The following PCDH7 variants were observed in gnomAD, a reference collection of about 807,000 sequenced individuals.
PCDH7 encodes the protein protocadherin 7.
PCDH7 carries 17 observed loss-of-function variants against 58.9 expected under a neutral mutation model. The ratio of observed to expected loss-of-function variants is 0.29; its 90% confidence interval spans 0.20 to 0.43. The LOEUF is 0.43. PCDH7 is among the 20% of genes least tolerant of loss of function. The probability of loss-of-function intolerance (pLI) is 1.00; values close to 1 mark genes in which losing one functional copy is unlikely to be tolerated. For missense variants in PCDH7, 1,274 were observed against 1,441.0 expected, an observed-to-expected ratio of 0.88 and a Z score of 1.88; for synonymous variants, 664 against 616.4, an observed-to-expected ratio of 1.08 and a Z score of -1.14.
chr4:30,720,596 G>C lies in PCDH7; in HGVS notation c.-827G>C, dbSNP rs546541413. 1 of 152,748 alleles carries C rather than the reference G, an allele frequency of 6.5e-6. No individual in the cohort carries two copies. Among genetic ancestry groups the C allele is most frequent in the African/African-American group, 2.4e-5 (1 of 41,586 alleles). 9.5% of individuals were successfully genotyped at this position (152,748 alleles called of 1,614,324 possible). ...AAAAAAGAGAAACCCGCGCTCTCCG[G>C]GGTGAGAAGGGACTGACTCTGGGCG... On this transcript the variant is annotated 5_prime_UTR_variant, in exon 1 of 2. Transcript: ENST00000361762. The surrounding 1 kb of genome is among the most constrained non-coding windows in gnomAD (Gnocchi z 4.7).
intron 1 of PCDH7, among the ~76,000 whole-genome samples, chr4:30,761,249 C>T (rs1294248653): frequency 6.6e-6 from 1 of 152,170 alleles, no homozygotes. Flanking sequence ...TTAGGAAGCG[C>T]AGCTCTCCTC....
At chr4:31,036,979 T>C (rs77425021) in intron 3 of PCDH7, among the ~76,000 whole-genome samples, 2,256 of 152,156 alleles carry the variant, frequency 0.015, 30 homozygotes, top group Non-Finnish European at 0.021. Context: ...ACAAGAATAG[T>C]GTGGGAAAGA....
At chr4:30,894,508 TATATATATACACACAC>T (rs1206604464) in intron 1 of PCDH7, among the ~76,000 whole-genome samples, 23 of 49,120 alleles carry the variant, frequency 4.7e-4, no homozygotes, top group African/African-American at 2.4e-3. Context: ...TATATATATA[TATATATATACACACAC>T]ACACACACAC....
chr4:31,081,529 A>G (rs1407605149), intron 3 of PCDH7, among the ~76,000 whole-genome samples: 1 of 152,180 alleles, frequency 6.6e-6, no homozygotes, highest in African/African-American at 2.4e-5. Context: ...AAAAGTCCCA[A>G]TGAGATGCCT....
At chr4:30,813,497 C>T (rs994131709) in intron 1 of PCDH7, among the ~76,000 whole-genome samples, 7 of 152,112 alleles carry the variant, frequency 4.6e-5, no homozygotes, top group African/African-American at 1.7e-4. Context: ...AAGAAATGTA[C>T]ACTCTGGTAG....
intron 3 of PCDH7, among the ~76,000 whole-genome samples, chr4:31,034,555 T>G (rs960367648): frequency 5.9e-5 from 9 of 152,202 alleles, no homozygotes; most frequent in African/African-American, 2.2e-4. Context: ...TTTACAAAAT[T>G]TCAGATAAAC....
chr4:30,896,733 G>C (rs943780384), intron 1 of PCDH7, among the ~76,000 whole-genome samples: 1 of 151,374 alleles, frequency 6.6e-6, no homozygotes, highest in Non-Finnish European at 1.5e-5. Flanking sequence ...ACTAATAATT[G>C]TGTCATTATA....
chr4:30,966,302 C>A (rs1578436521), intron 3 of PCDH7, among the ~76,000 whole-genome samples: 1 of 152,256 alleles, frequency 6.6e-6, no homozygotes, highest in Non-Finnish European at 1.5e-5. Context: ...GCTTAAATGT[C>A]TCAACTGGAT....
chr4:30,831,360 A>G (rs1160093697), intron 1 of PCDH7, among the ~76,000 whole-genome samples: 2 of 152,182 alleles, frequency 1.3e-5, no homozygotes, highest in Non-Finnish European at 2.9e-5. Flanking sequence ...ATTGGGTTCA[A>G]TTCATAGTCT....
At chr4:30,986,853 C>T (rs574033036) in intron 3 of PCDH7, among the ~76,000 whole-genome samples, 1 of 151,684 alleles carries the variant, frequency 6.6e-6, no homozygotes, top group Admixed American at 6.6e-5. Flanking sequence ...TGGTGGTGGG[C>T]GCCTGTAGTC....
intron 1 of PCDH7, among the ~76,000 whole-genome samples, chr4:30,807,643 G>A (rs1014992322): frequency 1.1e-4 from 17 of 152,032 alleles, no homozygotes; most frequent in African/African-American, 3.9e-4. Flanking sequence ...GGCTTTTAAT[G>A]CGTAACATGA....
Position 30,931,213 on chromosome 4 carries a change from G to A in PCDH7, c.287+10844G>A, listed in dbSNP as rs115427768. 4.5e-3 allele frequency among the ~76,000 whole-genome samples: 681 copies of A among 152,116 alleles called. 5 individuals carry two copies. The highest frequency in any genetic ancestry group is 0.016 in the African/African-American group (647 of 41,494). On this transcript the variant is annotated intron_variant, in intron 2 of 3. Transcript: ENST00000509759. ...AGACAGGACCTGTGCCTTGGCTACC[G>A]TTGCATGATACTTCTGGAATTATCC...
intron 1 of PCDH7, among the ~76,000 whole-genome samples, chr4:30,745,602 T>C (rs1031243223): frequency 2.0e-5 from 3 of 152,020 alleles, no homozygotes; most frequent in Non-Finnish European, 4.4e-5. Flanking sequence ...TGGAAAACAG[T>C]GGAGGCAAAA....
intron 3 of PCDH7, among the ~76,000 whole-genome samples, chr4:30,972,759 G>A (rs2109474864): frequency 6.6e-6 from 1 of 152,152 alleles, no homozygotes; most frequent in South Asian, 2.1e-4. Context: ...AAAAATTTAG[G>A]CACAATCACG....
chr4:30,892,660 G>A (rs985143991), intron 1 of PCDH7, among the ~76,000 whole-genome samples: 11 of 151,986 alleles, frequency 7.2e-5, no homozygotes, highest in Admixed American at 6.6e-4. Flanking sequence ...AATTTAAATA[G>A]TGAATCATTA....
chr4:31,131,493 G>A (rs1718985219), intron 3 of PCDH7, among the ~76,000 whole-genome samples: 1 of 152,020 alleles, frequency 6.6e-6, no homozygotes, highest in East Asian at 1.9e-4. Flanking sequence ...TCAGAGTAAG[G>A]AGCCAGCATT....
chr4:30,886,759 G>A (rs1195349143), intron 1 of PCDH7, among the ~76,000 whole-genome samples: 1 of 151,434 alleles, frequency 6.6e-6, no homozygotes, highest in Non-Finnish European at 1.5e-5. Context: ...TTAAGAAAAT[G>A]TGGCACATAT....
intron 1 of PCDH7, among the ~76,000 whole-genome samples, chr4:30,755,310 T>G (rs998673884): frequency 1.3e-5 from 2 of 152,332 alleles, no homozygotes; most frequent in Non-Finnish European, 1.5e-5. Context: ...TTCCTCACAA[T>G]TTTGACTTGC....
intron 1 of PCDH7, among the ~76,000 whole-genome samples, chr4:30,912,076 T>G (rs569048813): frequency 1.3e-5 from 2 of 152,280 alleles, no homozygotes; most frequent in East Asian, 1.9e-4. Context: ...ATGAGAGTTT[T>G]AATTAATGAA....
Sources: gnomAD v4.1 joint callset for allele counts (sites outside exome capture counted in the v4.1 genomes callset) on GRCh38, gnomAD v4.1.1 for gene constraint, Gnocchi (gnomAD v3.1) non-coding constraint, MANE v1.5 for transcripts, NCBI Gene and HGNC (gene_info 2026-07-23, HGNC 2026-07-21) for gene names.